Variants in IQSEC1 observed in about 807,000 individuals in gnomAD.
IQSEC1 encodes IQ motif and Sec7 domain ArfGEF 1, also known as IQ motif and SEC7 domain-containing protein 1.
Under a neutral mutation model 91.0 loss-of-function variants are expected in IQSEC1, and 31 were observed. The ratio of observed to expected loss-of-function variants is 0.34; its 90% CI spans 0.26 to 0.46. The LOEUF is 0.46. Ranked by LOEUF, IQSEC1 falls within the 20% of genes least tolerant of loss-of-function variation. The pLI, the probability that IQSEC1 is intolerant of heterozygous loss-of-function variation, is 1.00. For missense variants in IQSEC1, 1,388 were observed against 1,575.6 expected (o/e 0.88, Z 2.02); for synonymous variants, 699 against 662.6 (o/e 1.05, Z -0.84).
intron 2 of IQSEC1, among the ~76,000 whole-genome samples, chr3:13,095,692 G>A (rs985050204): frequency 3.9e-5 from 6 of 152,254 alleles, no homozygotes; most frequent in Admixed American, 1.3e-4. Context: ...AGGTGGGGAC[G>A]TCCTTCCTCA....
intron 2 of IQSEC1, among the ~76,000 whole-genome samples, chr3:13,116,841 G>T (rs1162052829): frequency 6.6e-6 from 1 of 152,058 alleles, no homozygotes; most frequent in Non-Finnish European, 1.5e-5. Context: ...GACTCCCAAT[G>T]GGCCAAAGAC....
At chr3:13,016,968 G>T (rs1431951887) in intron 1 of IQSEC1, among the ~76,000 whole-genome samples, 1 of 152,188 alleles carries the variant, frequency 6.6e-6, no homozygotes, top group African/African-American at 2.4e-5. Flanking sequence ...CTAGAAACGG[G>T]ACCATACGCT....
At chr3:13,084,777 C>T (rs1326201091) in intron 2 of IQSEC1, among the ~76,000 whole-genome samples, 1 of 152,158 alleles carries the variant, frequency 6.6e-6, no homozygotes, top group South Asian at 2.1e-4. Flanking sequence ...CCGTAGTAAC[C>T]AAGATCTATG....
At chr3:12,977,353 A>G (rs79061191) in intron 1 of IQSEC1, among the ~76,000 whole-genome samples, 74 of 14,814 alleles carry the variant, frequency 5.0e-3, no homozygotes, top group South Asian at 7.0e-3. Context: ...GTCTCCAGGG[A>G]AAAAAAAAAA....
intron 2 of IQSEC1, among the ~76,000 whole-genome samples, chr3:13,162,786 C>G (rs1707201534): frequency 6.6e-6 from 1 of 152,190 alleles, no homozygotes; most frequent in African/African-American, 2.4e-5. Context: ...CAGGGCCACG[C>G]TGTGTTCCAG....
At chr3:13,158,306 A>C (rs1707115388) in intron 2 of IQSEC1, among the ~76,000 whole-genome samples, 1 of 151,664 alleles carries the variant, frequency 6.6e-6, no homozygotes. Flanking sequence ...CACAGCAAAC[A>C]CTCCCAGCTT....
In IQSEC1 at chr3:13,122,182, G is replaced by C. The variant is rs926753118; in HGVS notation, c.302+41922C>G. 3.3e-5 allele frequency among the ~76,000 whole-genome samples: 5 copies of C among 152,352 alleles called. No homozygotes were observed. In the Middle Eastern group the frequency reaches 0.014, roughly 415 times the overall value. ...CCAGCTGGGCAGGGAAAGCCTCCCT[G>C]AGATGAAAACACCCGTATAAAGACC... On this transcript the variant is annotated intron_variant, in intron 2 of 15. Coordinates refer to the IQSEC1 transcript ENST00000648114.
At chr3:13,010,478 A>G (rs1218202588) in intron 1 of IQSEC1, among the ~76,000 whole-genome samples, 1 of 152,172 alleles carries the variant, frequency 6.6e-6, no homozygotes, top group Non-Finnish European at 1.5e-5. Context: ...CCTGGATATG[A>G]CAAATGTCGA....
At chr3:13,123,084 A>C (rs1408751024) in intron 2 of IQSEC1, among the ~76,000 whole-genome samples, 1 of 152,240 alleles carries the variant, frequency 6.6e-6, no homozygotes, top group African/African-American at 2.4e-5. Flanking sequence ...AATTTCCCCG[A>C]GGAAGACAAT....
At chr3:13,142,378 C>T (rs907334655) in intron 2 of IQSEC1, among the ~76,000 whole-genome samples, 4 of 152,214 alleles carry the variant, frequency 2.6e-5, no homozygotes, top group African/African-American at 7.2e-5. Context: ...CCTTTGGAAG[C>T]CACCCCAGGC....
rs561792201 is a variant in IQSEC1 at position 13,255,788 on chromosome 3, C to T, written c.272+26923G>A. 4.6e-5 allele frequency among the ~76,000 whole-genome samples: 7 copies of T among 152,262 alleles called. No homozygotes were observed. In the South Asian group the frequency reaches 1.0e-3, roughly 23 times the overall value. ...CGAGCCACTGTAATCTGCACTCAGC[C>T]GGCCTTACAGTGTTTCAATGACTGA... On this transcript the variant is annotated intron_variant, in intron 1 of 15. Coordinates refer to the IQSEC1 transcript ENST00000648114.
chr3:13,133,503 C>T (rs1354280508), intron 2 of IQSEC1, among the ~76,000 whole-genome samples: 1 of 152,216 alleles, frequency 6.6e-6, no homozygotes, highest in East Asian at 1.9e-4. Context: ...AAACCTGCAG[C>T]ATCTCCCTGC....
intron 1 of IQSEC1, among the ~76,000 whole-genome samples, chr3:13,267,494 A>C (rs1048407998): frequency 6.6e-6 from 1 of 152,182 alleles, no homozygotes. Context: ...GGTTGCCTCC[A>C]GCCAAAGAGG....
chr3:12,963,269 G>A (rs915024968), intron 1 of IQSEC1, among the ~76,000 whole-genome samples: 3 of 152,242 alleles, frequency 2.0e-5, no homozygotes, highest in African/African-American at 4.8e-5. Context: ...ACTGCAAACC[G>A]AGGAGATAAA....
chr3:13,276,170 G>A (rs1405909586), intron 1 of IQSEC1, among the ~76,000 whole-genome samples: 3 of 130,622 alleles, frequency 2.3e-5, no homozygotes, highest in African/African-American at 8.5e-5. Context: ...CTCACTGCAA[G>A]CTCTGCCTCC....
chr3:12,914,473 C>T (rs908843888), intron 8 of IQSEC1, among the ~76,000 whole-genome samples: 1 of 152,110 alleles, frequency 6.6e-6, no homozygotes, highest in Non-Finnish European at 1.5e-5. Flanking sequence ...AAAATGTGGC[C>T]CAGCCTGGGG....
In IQSEC1 at chr3:13,214,795, C is replaced by T. The variant is rs73031489; in HGVS notation, c.273-50662G>A. 9.5e-4 allele frequency among the ~76,000 whole-genome samples: 145 copies of T among 152,344 alleles called. 1 individual carries two copies. The highest frequency in any genetic ancestry group is 3.4e-3 in the Middle Eastern group (1 of 294). Reference sequence around the variant, plus strand: ...CTGACCTTCCAGATGGTGTGCGGCACCTGGCATTCTGGAACTTCTCTTTCT... The same window carrying T: ...CTGACCTTCCAGATGGTGTGCGGCATCTGGCATTCTGGAACTTCTCTTTCT... On this transcript the variant is annotated intron_variant, in intron 1 of 15. Coordinates refer to the IQSEC1 transcript ENST00000648114. This position sits in a 1 kb window ranked among gnomAD's most constrained non-coding sequence, Gnocchi z 4.5.
At chr3:13,134,192 G>A (rs74472347) in intron 2 of IQSEC1, among the ~76,000 whole-genome samples, 8 of 152,226 alleles carry the variant, frequency 5.3e-5, no homozygotes, top group Non-Finnish European at 7.3e-5. Context: ...TAGGGTCCTG[G>A]CCAGTTGCCC....
Position 12,983,245 on chromosome 3 carries a change from C to A in IQSEC1, c.24-41380G>T, listed in dbSNP as rs1701557732. On this transcript the variant is annotated intron_variant, in intron 1 of 13. Transcript: ENST00000613206. This position sits in a 1 kb window ranked among gnomAD's most constrained non-coding sequence, Gnocchi z 4.3. ...TCTGCAAACAGGGGTTTCACCCAAC[C>A]TTCCCCAGGTTGGGCATGGTGGCAA... 6.6e-6 allele frequency among the ~76,000 whole-genome samples: 1 copy of A among 152,250 alleles called. No individual in the cohort carries two copies. Among genetic ancestry groups the A allele is most frequent in the Non-Finnish European group, 1.5e-5 (1 of 68,038 alleles).
Sources: gnomAD v4.1 joint callset for allele counts (sites outside exome capture counted in the v4.1 genomes callset) on GRCh38, gnomAD v4.1.1 for gene constraint, Gnocchi (gnomAD v3.1) non-coding constraint, MANE v1.5 for transcripts, NCBI Gene and HGNC (gene_info 2026-07-23, HGNC 2026-07-21) for gene names.